Variants in MTCH2 observed in about 807,000 individuals in gnomAD.
The protein encoded by MTCH2 is mitochondrial carrier homolog 2.
In MTCH2, 25 loss-of-function variants were observed where a neutral mutation model predicts 50.6. That is an observed-to-expected ratio of 0.49 (90% confidence interval 0.36 to 0.69). The LOEUF (loss-of-function observed/expected upper bound fraction) is 0.69, where lower values mean the gene tolerates loss of function less well. Ranked by LOEUF, MTCH2 falls within the 30% of genes least tolerant of loss-of-function variation. The pLI, the probability that MTCH2 is intolerant of heterozygous loss-of-function variation, is 0.00. For synonymous variants in MTCH2, 106 were observed against 132.0 expected, an observed-to-expected ratio of 0.80 and a Z score of 1.35; for missense variants, 273 against 384.4, an observed-to-expected ratio of 0.71 and a Z score of 2.42.
Position 47,638,700 on chromosome 11 carries a change from T to G in MTCH2, c.278A>C (p.Gln93Pro). Reference sequence around the variant, plus strand: ...AGATTGATTTAATTTTCCTCTTACCTGTAAAACTTTACCATGGACCACAGT... The same window carrying G: ...AGATTGATTTAATTTTCCTCTTACCGGTAAAACTTTACCATGGACCACAGT... The part of the protein sequence containing the change: ...LGTVVHGKVL[Q>P]HYQESDKGEE... The change falls in exon 3 of 13, where the codon CAG (glutamine) becomes CCG (proline). Residue 93 changes from glutamine to proline, a missense_variant and splice_region_variant. Gln to Pro is a moderately conservative substitution (Grantham distance 76). Coordinates refer to ENST00000302503, the MANE Select transcript of MTCH2 (RefSeq NM_014342.4). 6.2e-7 allele frequency: 1 copy of G among 1,612,110 alleles called. No individual in the cohort carries two copies. The highest frequency in any genetic ancestry group is 8.5e-7 in the Non-Finnish European group (1 of 1,178,280).
intron 5 of MTCH2, among the ~76,000 whole-genome samples, chr11:47,634,229 C>T (rs2097306383): frequency 2.0e-5 from 3 of 152,116 alleles, no homozygotes; most frequent in African/African-American, 7.2e-5. Context: ...ATATGTGCCA[C>T]CACACACCTA....
downstream of MTCH2, among the ~76,000 whole-genome samples, chr11:47,613,090 TAG>T (rs1382214492): frequency 6.6e-6 from 1 of 151,784 alleles, no homozygotes; most frequent in Non-Finnish European, 1.5e-5. Flanking sequence ...TTAGTTTTAG[TAG>T]AGACAGGATC....
At chr11:47,612,402 C>T (rs552457455), downstream of MTCH2, among the ~76,000 whole-genome samples, 3 of 152,192 alleles carry the variant, frequency 2.0e-5, no homozygotes, top group African/African-American at 7.2e-5. Flanking sequence ...CCCGTCTCTA[C>T]TAAAAATACA....
At chr11:47,642,064 C>T (rs1430076414) in intron 1 of MTCH2, among the ~76,000 whole-genome samples, 2 of 152,118 alleles carry the variant, frequency 1.3e-5, no homozygotes, top group African/African-American at 4.8e-5. Context: ...CCTTTGGTGG[C>T]GACCGGCCAG....
At position 47,638,623 on chromosome 11, in the gene MTCH2, C is replaced by T. The variant is rs2097311062; in HGVS notation, c.279+76G>A. 13 of 887,318 alleles carry T rather than the reference C, an allele frequency of 1.5e-5. No homozygotes were observed. In the East Asian group the frequency reaches 3.9e-4, roughly 26 times the overall value. 55.0% of individuals were successfully genotyped at this position (887,318 alleles called of 1,614,324 possible). ...GGTTATAAATGTATCTTTTAAATTG[C>T]TCTTGATATTTAGAACAAACTATGC... On this transcript the variant is annotated intron_variant, in intron 3 of 12. Transcript: ENST00000302503.
chr11:47,635,423 G>T, intron 4 of MTCH2, 122 bp downstream of exon 4: 1 of 1,132,836 alleles, frequency 8.8e-7, no homozygotes, highest in South Asian at 1.3e-5. Flanking sequence ...CCACCCCATA[G>T]GACAACACTC....
At chr11:47,604,909 T>A in the MTCH2 span, among the ~76,000 whole-genome samples, 34 of 152,148 alleles carry the variant, frequency 2.2e-4, no homozygotes, top group African/African-American at 8.2e-4. Flanking sequence ...TGTTAATATG[T>A]CTCCCATATT....
chr11:47,637,975 T>C (rs531344599), intron 3 of MTCH2, among the ~76,000 whole-genome samples: 1 of 152,296 alleles, frequency 6.6e-6, no homozygotes, highest in East Asian at 1.9e-4. Context: ...TTTACAAAAT[T>C]ATTTCTTGTA....
intron 1 of MTCH2, among the ~76,000 whole-genome samples, chr11:47,640,181 TA>T (rs1438841727): frequency 2.0e-5 from 3 of 151,578 alleles, no homozygotes; most frequent in Admixed American, 6.6e-5. Flanking sequence ...ACACAAAAAT[TA>T]GCCAGGTGTG....
intron 4 of MTCH2, 104 bp downstream of exon 4, chr11:47,635,441 T>C: frequency 3.9e-6 from 5 of 1,281,924 alleles, no homozygotes; most frequent in Non-Finnish European, 3.4e-6. Flanking sequence ...CTCACTGAGA[T>C]GAATAGGAGA....
chr11:47,621,437 T>C (rs1192685712), intron 12 of MTCH2, among the ~76,000 whole-genome samples: 1 of 68 alleles, frequency 0.015, no homozygotes, highest in South Asian at 0.17. Flanking sequence ...TGTTATTGTC[T>C]TTTTTTTTTT....
At chr11:47,638,860 C>T (rs1181098335) in intron 2 of MTCH2, 55 bp from the exon 3 acceptor site, 6 of 1,585,210 alleles carry the variant, frequency 3.8e-6, no homozygotes, top group Admixed American at 3.4e-5. Context: ...AATGGATATA[C>T]TACAATTTCA....
chr11:47,620,594 CAGTG>C (rs1190765100), intron 12 of MTCH2, among the ~76,000 whole-genome samples: 1 of 152,158 alleles, frequency 6.6e-6, no homozygotes, highest in Non-Finnish European at 1.5e-5. Context: ...TTTGAGGCTA[CAGTG>C]AGTTGTGATG....
At chr11:47,615,406 C>G (rs1260902831), downstream of MTCH2, among the ~76,000 whole-genome samples, 1 of 152,086 alleles carries the variant, frequency 6.6e-6, no homozygotes, top group Non-Finnish European at 1.5e-5. Flanking sequence ...ATTACATGCT[C>G]TGAAGGAGGG....
chr11:47,605,164 G>A, the MTCH2 span, among the ~76,000 whole-genome samples: 5 of 152,088 alleles, frequency 3.3e-5, no homozygotes, highest in Admixed American at 6.5e-5. Flanking sequence ...ATCTGACCTC[G>A]TGATCCGCCC....
At chr11:47,614,562 G>A (rs1468314060), downstream of MTCH2, among the ~76,000 whole-genome samples, 2 of 152,004 alleles carry the variant, frequency 1.3e-5, no homozygotes, top group African/African-American at 2.4e-5. Context: ...CGCCTCCCAC[G>A]TTGAGGCAAT....
intron 5 of MTCH2, among the ~76,000 whole-genome samples, chr11:47,632,134 A>T (rs1347982150): frequency 6.6e-6 from 1 of 152,094 alleles, no homozygotes; most frequent in Non-Finnish European, 1.5e-5. Context: ...TAGATAAATG[A>T]CAGGCTCCAT....
At chr11:47,624,426 C>T (rs549688747) in intron 11 of MTCH2, among the ~76,000 whole-genome samples, 1 of 152,166 alleles carries the variant, frequency 6.6e-6, no homozygotes, top group South Asian at 2.1e-4. Flanking sequence ...CCATAAAGCC[C>T]CTAGGAAAAA....
At chr11:47,627,324 G>A (rs556693959) in intron 9 of MTCH2, among the ~76,000 whole-genome samples, 197 bp from the exon 10 acceptor site, 1 of 151,060 alleles carries the variant, frequency 6.6e-6, no homozygotes, top group South Asian at 2.1e-4. Context: ...AAGAAATGGT[G>A]TCTTTTTTTT....
Sources: allele counts gnomAD v4.1 joint callset (sites outside exome capture counted in the v4.1 genomes callset), GRCh38; gene constraint gnomAD v4.1.1; transcripts MANE v1.5; gene names NCBI Gene and HGNC (gene_info 2026-07-23, HGNC 2026-07-21).